RBFOX3: variants seen among roughly 807,000 people sequenced by gnomAD.
RBFOX3 encodes the protein RNA binding protein fox-1 homolog 3.
RBFOX3 carries 17 observed loss-of-function variants against 48.7 expected under a neutral mutation model. That is an observed-to-expected ratio of 0.35 (90% CI 0.24 to 0.52). The LOEUF (loss-of-function observed/expected upper bound fraction) is 0.52. RBFOX3 is among the 20% of genes least tolerant of loss of function. The probability of loss-of-function intolerance (pLI) is 0.94; values close to 1 mark genes in which losing one functional copy is unlikely to be tolerated. For synonymous variants in RBFOX3, 212 were observed against 209.5 expected (o/e 1.01, Z -0.10); for missense variants, 382 against 497.5 (o/e 0.77, Z 2.21).
intron 2 of RBFOX3, among the ~76,000 whole-genome samples, chr17:79,378,424 A>G (rs1410886960): frequency 6.6e-6 from 1 of 152,210 alleles, no homozygotes; most frequent in Non-Finnish European, 1.5e-5. Context: ...CATCCCAAGA[A>G]CAGGTAGAGG....
upstream of RBFOX3, among the ~76,000 whole-genome samples, chr17:79,615,869 T>C (rs1042752685): frequency 1.3e-5 from 2 of 152,174 alleles, no homozygotes; most frequent in African/African-American, 4.8e-5. Context: ...AAAGAGGCTC[T>C]TGTAAAGCGT....
intron 1 of RBFOX3, among the ~76,000 whole-genome samples, chr17:79,520,632 C>T (rs1194612570): frequency 6.6e-6 from 1 of 152,234 alleles, no homozygotes; most frequent in African/African-American, 2.4e-5. Context: ...CCTCGGCCAC[C>T]TGAGCCTGAC....
rs1275433287 is a variant in RBFOX3, at chr17:79,179,670, C to CA, written c.-34+56095dup. On this transcript the variant is annotated intron_variant, in intron 4 of 14. Transcript: ENST00000693108. ...TTTAATAATAAAGTAATTACCGTGACAAAATCCCATTTTTCGAGCTTGGGG... is the reference window on the plus strand; with the variant it reads ...TTTAATAATAAAGTAATTACCGTGACAAAAATCCCATTTTTCGAGCTTGGGG... Among the ~76,000 whole-genome samples, 3 of 152,320 alleles carry CA rather than the reference C, an allele frequency of 2.0e-5. No homozygotes were observed. The East Asian group carries it at 5.8e-4, about 29-fold the overall frequency.
chr17:79,616,582 A>AACACACACACACACAC, the RBFOX3 span, among the ~76,000 whole-genome samples: 296 of 145,728 alleles, frequency 2.0e-3, 2 homozygotes, highest in African/African-American at 3.0e-3. Flanking sequence ...TCTCTATACA[A>AACACACACACACACAC]ACACACACAC....
At chr17:79,292,299 C>A (rs116793961) in intron 3 of RBFOX3, among the ~76,000 whole-genome samples, 1 of 151,816 alleles carries the variant, frequency 6.6e-6, no homozygotes, top group Non-Finnish European at 1.5e-5. Flanking sequence ...CTTCACAGAC[C>A]CCACGAGTGT....
intron 2 of RBFOX3, among the ~76,000 whole-genome samples, chr17:79,450,187 G>A (rs1404767204): frequency 2.6e-5 from 4 of 152,210 alleles, no homozygotes; most frequent in Non-Finnish European, 4.4e-5. Flanking sequence ...AAAGTCACCC[G>A]TGGGTGTACA....
At chr17:79,526,773 CAG>C (rs1210573500) in intron 1 of RBFOX3, among the ~76,000 whole-genome samples, 2 of 152,230 alleles carry the variant, frequency 1.3e-5, no homozygotes, top group African/African-American at 4.8e-5. Context: ...TCATTCTCTG[CAG>C]AGAGTTTTGT....
chr17:79,352,846 TGCACTGGGAATGGGTCCTCCTGCTGG>T (rs1169096019), intron 2 of RBFOX3, among the ~76,000 whole-genome samples: 2 of 152,228 alleles, frequency 1.3e-5, no homozygotes, highest in Admixed American at 6.5e-5. Flanking sequence ...CCACCCTGTC[TGCACTGGGAATGGGTCCTCCTGCTGG>T]GCACTGGGGC....
intron 3 of RBFOX3, among the ~76,000 whole-genome samples, chr17:79,295,388 A>C (rs187075524): frequency 4.6e-5 from 7 of 152,206 alleles, no homozygotes; most frequent in Middle Eastern, 3.4e-3. Flanking sequence ...AGGAGGAAAA[A>C]ATTAATGCAC....
At chr17:79,660,731 A>G in the RBFOX3 span, among the ~76,000 whole-genome samples, 1 of 152,228 alleles carries the variant, frequency 6.6e-6, no homozygotes, top group Non-Finnish European at 1.5e-5. Flanking sequence ...TGATTCCTCA[A>G]AGATCTAGAG....
In RBFOX3 at chr17:79,326,151, G is replaced by C. The variant is rs568146990; in HGVS notation, c.-174-18327C>G. 2.7e-4 allele frequency among the ~76,000 whole-genome samples: 41 copies of C among 152,308 alleles called. No individual in the cohort carries two copies. In the South Asian group the frequency reaches 7.9e-3, roughly 29 times the overall value. On this transcript the variant is annotated intron_variant, in intron 2 of 14. Transcript: ENST00000693108. ...CAGAGCATCACTGTCTGTGGCATTG[G>C]GGGTAAGGGCATCAGGAGGCCGGGG...
intron 1 of RBFOX3, among the ~76,000 whole-genome samples, chr17:79,534,018 T>G (rs2088279641): frequency 6.6e-6 from 1 of 152,248 alleles, no homozygotes; most frequent in Non-Finnish European, 1.5e-5. Context: ...AATCATTAAC[T>G]ATTCTTCCAC....
intron 2 of RBFOX3, among the ~76,000 whole-genome samples, chr17:79,371,271 C>T (rs898591488): frequency 2.0e-5 from 3 of 152,246 alleles, no homozygotes; most frequent in Non-Finnish European, 2.9e-5. Flanking sequence ...GGTTCTGGTA[C>T]GTTCCACTGT....
chr17:79,626,540 T>A, the RBFOX3 span, among the ~76,000 whole-genome samples: 1 of 152,210 alleles, frequency 6.6e-6, no homozygotes, highest in African/African-American at 2.4e-5. Context: ...TGCATTCTCC[T>A]TTTTTGTGCC....
At chr17:79,110,513 C>A (rs1289577066) in intron 5 of RBFOX3, among the ~76,000 whole-genome samples, 1 of 152,216 alleles carries the variant, frequency 6.6e-6, no homozygotes, top group African/African-American at 2.4e-5. Flanking sequence ...TGCTGTGGCA[C>A]CACATGAACC....
rs1056468922 is a variant in RBFOX3 at position 79,575,823 on chromosome 17, G to T, written c.-320+35003C>A. On this transcript the variant is annotated intron_variant, in intron 1 of 14. Transcript: ENST00000693108. The stretch of plus-strand genomic sequence containing the variant: ...TTTTTAGTCTGGCCCCTCCCCATAA[G>T]GCTGCAAATTATTTCATGGTATTCC... Among the ~76,000 whole-genome samples, 13 of 152,254 alleles carry T rather than the reference G, an allele frequency of 8.5e-5. No individual in the cohort carries two copies. The East Asian group carries it at 2.1e-3, about 25-fold the overall frequency.
intron 3 of RBFOX3, among the ~76,000 whole-genome samples, chr17:79,297,171 G>A (rs1183893488): frequency 6.6e-6 from 1 of 152,024 alleles, no homozygotes; most frequent in African/African-American, 2.4e-5. Context: ...CCATGAGTTG[G>A]GGACTGGGGT....
intron 3 of RBFOX3, among the ~76,000 whole-genome samples, chr17:79,294,682 G>A (rs1012897472): frequency 6.6e-6 from 1 of 152,216 alleles, no homozygotes; most frequent in African/African-American, 2.4e-5. Flanking sequence ...GCGACCTGCG[G>A]GTGGGAGACG....
At chr17:79,544,691 G>A (rs1307363546) in intron 1 of RBFOX3, among the ~76,000 whole-genome samples, 1 of 151,924 alleles carries the variant, frequency 6.6e-6, no homozygotes, top group Non-Finnish European at 1.5e-5. Flanking sequence ...CAGGGCTCAG[G>A]GAGCAAGCCT....
Sources: gnomAD v4.1 joint callset for allele counts (sites outside exome capture counted in the v4.1 genomes callset) on GRCh38, gnomAD v4.1.1 for gene constraint, MANE v1.5 for transcripts, NCBI Gene and HGNC (gene_info 2026-07-23, HGNC 2026-07-21) for gene names.